Variants in SLC13A1 observed in about 807,000 individuals in gnomAD.
SLC13A1 encodes solute carrier family 13 member 1, also known as Na(+)/sulfate cotransporter.
In SLC13A1, 65 loss-of-function variants were observed where a neutral mutation model predicts 70.0. The observed-to-expected ratio is 0.93, with a 90% confidence interval of 0.76 to 1.14. The LOEUF is 1.14. SLC13A1 is among the 50% of genes most tolerant of loss of function. SLC13A1 has a pLI of 0.00. For missense variants in SLC13A1, 726 were observed against 717.8 expected (o/e 1.01, Z -0.13); for synonymous variants, 275 against 250.5 (o/e 1.10, Z -0.92).
chr7:123,137,049 C>A (rs150877776), intron 7 of SLC13A1, among the ~76,000 whole-genome samples: 2 of 151,898 alleles, frequency 1.3e-5, no homozygotes, highest in Non-Finnish European at 2.9e-5. Context: ...GTAGCCAGTC[C>A]GAAAGTATGC....
intron 11 of SLC13A1, among the ~76,000 whole-genome samples, chr7:123,125,343 CAA>C (rs980754979): frequency 6.6e-6 from 1 of 152,074 alleles, no homozygotes; most frequent in African/African-American, 2.4e-5. Context: ...AGCCATGATA[CAA>C]AAGGAAATCT....
At position 123,123,192 on chromosome 7, in the gene SLC13A1, C is replaced by A; in HGVS notation, c.1284G>T (p.Gln428His). The A allele has an allele frequency of 6.2e-7, 1 of 1,613,628 alleles. No homozygotes were observed. The highest frequency in any genetic ancestry group is 8.5e-7 in the Non-Finnish European group (1 of 1,179,662). The part of the protein sequence containing the change: ...YSPLITWKEF[Q>H]SFMPWDIAIL... ...TGGCTATATCCCAGGGCATGAATGA[C>A]TGGAATTCTTTCCAAGTAATCAGTG... The change falls in exon 12 of 15, where the codon CAG (glutamine) becomes CAT (histidine). Residue 428 changes from glutamine (Q) to histidine (H), a missense_variant. Physicochemically the swap from Gln to His is conservative, Grantham distance 24. Transcript: ENST00000194130.
chr7:123,169,400 C>A lies in SLC13A1; in HGVS notation c.366-65G>T, dbSNP rs950218816. The A allele has an allele frequency of 2.1e-6, 3 of 1,422,408 alleles. No homozygotes were observed. In the African/African-American group the frequency reaches 4.2e-5, roughly 20 times the overall value. The allele number at this position is 1,422,408 out of a possible 1,614,324, so 88.1% of individuals were successfully genotyped here. ...GCTTAACTAGCACCGTATTATTTAA[C>A]TGGAAGATGTTTAAGATGTGTTTTG... On this transcript the variant is annotated intron_variant, in intron 3 of 14. Coordinates refer to ENST00000194130, the MANE Select transcript of SLC13A1 (RefSeq NM_022444.4).
chr7:123,123,276 A>G, intron 11 of SLC13A1, 41 bp from the exon 12 acceptor site: 1 of 1,227,474 alleles, frequency 8.1e-7, no homozygotes, highest in African/African-American at 1.5e-5. Context: ...TGCTTAAAAT[A>G]TTACAATATG....
Position 123,147,282 on chromosome 7 carries a change from G to A in SLC13A1, c.689C>T (p.Thr230Ile), listed in dbSNP as rs1025743946. Residue 230 changes from threonine to isoleucine, a missense_variant, in exon 7 of 15, where the codon ACA (threonine) becomes ATA (isoleucine). By Grantham distance (89) the Thr-to-Ile change is moderately conservative. Transcript: ENST00000194130. ...KNSGMRTKYR[T>I]KKGHVTRKLT... ...TTTACGTGTCACGTGGCCCTTCTTTGTTCGATATTTGGTTCTCATGCCTGA... is the reference window on the plus strand; with the variant it reads ...TTTACGTGTCACGTGGCCCTTCTTTATTCGATATTTGGTTCTCATGCCTGA... 6 of 1,613,514 alleles carry A rather than the reference G, an allele frequency of 3.7e-6. No individual in the cohort carries two copies. Among genetic ancestry groups the A allele is most frequent in the Non-Finnish European group, 4.2e-6 (5 of 1,179,760 alleles).
chr7:123,189,467 A>G (rs546626731), intron 1 of SLC13A1, among the ~76,000 whole-genome samples: 3 of 152,218 alleles, frequency 2.0e-5, no homozygotes, highest in Admixed American at 6.5e-5. Flanking sequence ...AAGGTTTACA[A>G]TCTGTATGAC....
At chr7:123,144,520 A>C (rs1794281644) in intron 7 of SLC13A1, among the ~76,000 whole-genome samples, 2 of 152,208 alleles carry the variant, frequency 1.3e-5, no homozygotes, top group African/African-American at 4.8e-5. Flanking sequence ...TGTGTAGTCA[A>C]ACTGGATTTT....
chr7:123,173,310 A>G (rs1402728602), intron 2 of SLC13A1, among the ~76,000 whole-genome samples: 2 of 152,188 alleles, frequency 1.3e-5, no homozygotes, highest in Non-Finnish European at 2.9e-5. Context: ...AAAAGTAGGC[A>G]AGTGGACAAC....
intron 1 of SLC13A1, among the ~76,000 whole-genome samples, chr7:123,187,190 A>G (rs1585402588): frequency 1.3e-5 from 2 of 152,198 alleles, no homozygotes; most frequent in Admixed American, 1.3e-4. Flanking sequence ...CTCTGTATGT[A>G]TACACTGCAC....
At chr7:123,153,464 A>G (rs747838928) in intron 6 of SLC13A1, among the ~76,000 whole-genome samples, 7 of 152,068 alleles carry the variant, frequency 4.6e-5, no homozygotes, top group African/African-American at 1.4e-4. Context: ...AGCTCCATGC[A>G]TTCAGATTTA....
At position 123,179,521 on chromosome 7, in the gene SLC13A1, C is replaced by G. The variant is rs149018283; in HGVS notation, c.228+1452G>C. ...ACTGTTGGGCAGGTGTCTGCAGTCA[C>G]AGTGATGCAAAACTGCCATTGGCAC... On this transcript the variant is annotated intron_variant, in intron 2 of 14. Transcript: ENST00000194130. 8.3e-3 allele frequency among the ~76,000 whole-genome samples: 1,268 copies of G among 152,236 alleles called. 18 individuals carry two copies. Among genetic ancestry groups the G allele is most frequent in the African/African-American group, 0.028 (1,177 of 41,542 alleles).
intron 6 of SLC13A1, among the ~76,000 whole-genome samples, chr7:123,153,765 A>T (rs1025379393): frequency 6.6e-6 from 1 of 152,110 alleles, no homozygotes; most frequent in Non-Finnish European, 1.5e-5. Flanking sequence ...ATGGAAAAGT[A>T]CTTGTGTTAT....
intron 7 of SLC13A1, among the ~76,000 whole-genome samples, chr7:123,146,649 C>T (rs1794362204): frequency 1.3e-5 from 2 of 152,196 alleles, no homozygotes; most frequent in African/African-American, 2.4e-5. Context: ...CAGTTCCAAA[C>T]ATATTAACAG....
intron 4 of SLC13A1, 39 bp downstream of exon 4, chr7:123,169,106 CTAA>C (rs766767050): frequency 2.5e-6 from 4 of 1,580,838 alleles, no homozygotes; most frequent in Non-Finnish European, 3.5e-6. Flanking sequence ...GTCTATTGCT[CTAA>C]TGACTAGACC....
intron 8 of SLC13A1, among the ~76,000 whole-genome samples, chr7:123,131,197 A>G (rs1018346876): frequency 6.6e-6 from 1 of 152,198 alleles, no homozygotes; most frequent in Admixed American, 6.5e-5. Context: ...ATCAATTAGG[A>G]AATAATTGCT....
At chr7:123,186,755 A>G (rs1795815179) in intron 1 of SLC13A1, 1 of 455,932 alleles carries the variant, frequency 2.2e-6, no homozygotes, top group Admixed American at 2.4e-5. Flanking sequence ...TTACTCTGCA[A>G]CCGTAACAAG....
chr7:123,134,903 A>G (rs1047989549), intron 7 of SLC13A1, among the ~76,000 whole-genome samples: 56 of 152,178 alleles, frequency 3.7e-4, no homozygotes, highest in African/African-American at 1.4e-3. Context: ...TCAGTATATG[A>G]ACAAGGAAAG....
chr7:123,187,266 A>G (rs1251927394), intron 1 of SLC13A1, among the ~76,000 whole-genome samples: 1 of 152,174 alleles, frequency 6.6e-6, no homozygotes, highest in Non-Finnish European at 1.5e-5. Flanking sequence ...TACCAGAGAC[A>G]TGAAGTTATT....
intron 12 of SLC13A1, among the ~76,000 whole-genome samples, chr7:123,122,527 T>C (rs1400233112): frequency 6.6e-6 from 1 of 152,194 alleles, no homozygotes; most frequent in African/African-American, 2.4e-5. Flanking sequence ...TTATATCAAC[T>C]GGACAGACAG....
Sources: gnomAD v4.1 joint callset for allele counts (sites outside exome capture counted in the v4.1 genomes callset) on GRCh38, gnomAD v4.1.1 for gene constraint, MANE v1.5 for transcripts, NCBI Gene and HGNC (gene_info 2026-07-23, HGNC 2026-07-21) for gene names.